The following OSBPL10 variants were observed in gnomAD, a reference collection of about 807,000 sequenced individuals.
OSBPL10 encodes oxysterol binding protein like 10.
OSBPL10 carries 49 observed loss-of-function variants against 81.7 expected under a neutral mutation model. That is an observed-to-expected ratio of 0.60 (90% confidence interval 0.48 to 0.76). The LOEUF (loss-of-function observed/expected upper bound fraction) is 0.76. OSBPL10 is among the 30% of genes least tolerant of loss of function. The probability of loss-of-function intolerance (pLI) is 0.00; values close to 1 mark genes in which losing one functional copy is unlikely to be tolerated. For missense variants in OSBPL10, 923 were observed against 987.8 expected (o/e 0.93, Z 0.88); for synonymous variants, 419 against 383.6 (o/e 1.09, Z -1.08).
intron 4 of OSBPL10, among the ~76,000 whole-genome samples, chr3:31,826,305 CTTAA>C (rs967566893): frequency 3.9e-5 from 6 of 152,188 alleles, no homozygotes; most frequent in African/African-American, 1.4e-4. Context: ...AAACAGTTGC[CTTAA>C]TTTTCATTTC....
intron 4 of OSBPL10, among the ~76,000 whole-genome samples, chr3:31,792,704 T>G (rs963648438): frequency 2.7e-5 from 4 of 149,320 alleles, no homozygotes; most frequent in Admixed American, 1.3e-4. Context: ...TGTGCAGGGG[T>G]GTGTGTGTTT....
At chr3:31,830,351 G>T in intron 3 of OSBPL10, 120 bp from the exon 4 acceptor site, 2 of 1,031,804 alleles carry the variant, frequency 1.9e-6, no homozygotes, top group Non-Finnish European at 2.8e-6. Context: ...GGAGCTGAAG[G>T]TATGAAGGAG....
At chr3:31,793,920 CAT>C (rs1298857921) in intron 4 of OSBPL10, among the ~76,000 whole-genome samples, 1 of 152,194 alleles carries the variant, frequency 6.6e-6, no homozygotes, top group Non-Finnish European at 1.5e-5. Context: ...CAACTCTTCA[CAT>C]GTCATTGACA....
chr3:32,075,223 A>G (rs1173291882), intron 1 of OSBPL10, among the ~76,000 whole-genome samples: 6 of 152,236 alleles, frequency 3.9e-5, no homozygotes, highest in Non-Finnish European at 5.9e-5. Flanking sequence ...GTTGTCCTCC[A>G]GAACCGCCAA....
At chr3:31,765,653 C>A (rs991317609) in intron 4 of OSBPL10, among the ~76,000 whole-genome samples, 1 of 152,100 alleles carries the variant, frequency 6.6e-6, no homozygotes, top group Non-Finnish European at 1.5e-5. Flanking sequence ...AATGTATACA[C>A]CCAATCTAAG....
chr3:31,990,568 C>T, intron 2 of OSBPL10: 1 of 1,613,676 alleles, frequency 6.2e-7, no homozygotes, highest in East Asian at 2.2e-5. Context: ...CAATTCAGCC[C>T]TTGTAATTCA....
At chr3:31,985,348 G>A (rs553407914), upstream of OSBPL10, among the ~76,000 whole-genome samples, 16 of 152,280 alleles carry the variant, frequency 1.1e-4, no homozygotes, top group South Asian at 1.0e-3. Context: ...AATTTTAAAC[G>A]TAAATAGAAT....
intron 8 of OSBPL10, among the ~76,000 whole-genome samples, chr3:31,678,798 GT>G (rs1700557392): frequency 7.0e-6 from 1 of 143,874 alleles, no homozygotes; most frequent in South Asian, 2.1e-4. Flanking sequence ...GTGTGTGTGT[GT>G]GTGTGTGTGT....
chr3:31,890,695 T>G (rs527660483), intron 1 of OSBPL10, among the ~76,000 whole-genome samples: 2 of 152,330 alleles, frequency 1.3e-5, no homozygotes, highest in East Asian at 3.9e-4. Flanking sequence ...AACTGAGACC[T>G]GTCTTATGAG....
chr3:31,740,045 CTTT>C lies in OSBPL10; in HGVS notation c.941-6637_941-6635del, dbSNP rs33919556. ...GCTCCAGAATTGGCTATGAATAATA[CTTT>C]TTTTTTTTTTTTTTTGAGTCAGTCT... On this transcript the variant is annotated intron_variant, in intron 5 of 11. Coordinates refer to ENST00000396556, the MANE Select transcript of OSBPL10 (RefSeq NM_017784.5). Among the ~76,000 whole-genome samples, 721 of 135,860 alleles carry C rather than the reference CTTT, an allele frequency of 5.3e-3. 4 individuals are homozygous for C. Among genetic ancestry groups the C allele is most frequent in the African/African-American group, 0.014 (496 of 36,578 alleles). 89.1% of individuals were successfully genotyped at this position (135,860 alleles called of 152,430 possible).
chr3:31,761,243 G>T (rs897251170), intron 4 of OSBPL10, among the ~76,000 whole-genome samples: 2 of 152,142 alleles, frequency 1.3e-5, no homozygotes, highest in Non-Finnish European at 1.5e-5. Context: ...GGAGGCCAAG[G>T]TAGGCAGATC....
intron 4 of OSBPL10, among the ~76,000 whole-genome samples, chr3:31,818,843 C>T (rs1257020076): frequency 6.6e-6 from 1 of 152,166 alleles, no homozygotes; most frequent in Non-Finnish European, 1.5e-5. Context: ...TCACAAGGTA[C>T]AAAACTCACT....
At chr3:31,813,869 T>C (rs1053072884) in intron 4 of OSBPL10, among the ~76,000 whole-genome samples, 5 of 151,868 alleles carry the variant, frequency 3.3e-5, no homozygotes, top group African/African-American at 9.7e-5. Flanking sequence ...TGGCATTCCA[T>C]AAGTATGAGC....
intron 4 of OSBPL10, among the ~76,000 whole-genome samples, chr3:31,789,043 A>T (rs552404411): frequency 3.8e-4 from 58 of 151,682 alleles, no homozygotes; most frequent in Non-Finnish European, 6.8e-4. Flanking sequence ...CGGTGGCGCG[A>T]TCTTGGCTCA....
chr3:31,729,710 C>T (rs1286582503), intron 6 of OSBPL10, among the ~76,000 whole-genome samples: 1 of 152,196 alleles, frequency 6.6e-6, no homozygotes, highest in Non-Finnish European at 1.5e-5. Flanking sequence ...TGAGCCACCA[C>T]GCCCAGCCGG....
intron 1 of OSBPL10, among the ~76,000 whole-genome samples, chr3:31,905,485 G>C (rs1369752808): frequency 6.6e-6 from 1 of 151,676 alleles, no homozygotes; most frequent in African/African-American, 2.4e-5. Context: ...GAGTAGCTGA[G>C]ATTACAGACA....
rs775780310 is a variant in OSBPL10 at position 31,662,016 on chromosome 3, C to A, written c.*56G>T. 69 of 1,602,816 alleles carry A rather than the reference C, an allele frequency of 4.3e-5. No individual in the cohort carries two copies. The highest frequency in any genetic ancestry group is 5.6e-5 in the Non-Finnish European group (66 of 1,175,720). ...CCAACAAAACCCTGATACTCTACTA[C>A]TTTAATATTCCTACAAAAACAGGGC... On this transcript the variant is annotated 3_prime_UTR_variant, in exon 12 of 12. Transcript: ENST00000396556.
chr3:32,035,968 A>G (rs766409088), intron 2 of OSBPL10, among the ~76,000 whole-genome samples: 1 of 152,036 alleles, frequency 6.6e-6, no homozygotes, highest in Non-Finnish European at 1.5e-5. Flanking sequence ...CCCTCCCCCC[A>G]GTCTTTGGTG....
At chr3:31,809,885 T>TTTTC (rs1279603591) in intron 4 of OSBPL10, among the ~76,000 whole-genome samples, 2 of 149,902 alleles carry the variant, frequency 1.3e-5, no homozygotes, top group East Asian at 3.9e-4. Flanking sequence ...TTTTTTTTTT[T>TTTTC]TTTGAGATGG....
Sources: gnomAD v4.1 joint callset for allele counts (sites outside exome capture counted in the v4.1 genomes callset) on GRCh38, gnomAD v4.1.1 for gene constraint, MANE v1.5 for transcripts, NCBI Gene and HGNC (gene_info 2026-07-23, HGNC 2026-07-21) for gene names.